GLRX3: variants seen among roughly 807,000 people sequenced by gnomAD.
GLRX3 encodes the protein glutaredoxin-3.
In GLRX3, 22 loss-of-function variants were observed where a neutral mutation model predicts 49.5. That is an observed-to-expected ratio of 0.44 (90% CI 0.32 to 0.63). The LOEUF is 0.63. GLRX3 is among the 30% of genes least tolerant of loss of function. The pLI is 0.05. For missense variants in GLRX3, 385 were observed against 396.3 expected (o/e 0.97, Z 0.24); for synonymous variants, 133 against 140.0 (o/e 0.95, Z 0.35).
intron 2 of GLRX3, among the ~76,000 whole-genome samples, chr10:130,150,251 AAAAAG>A: frequency 6.6e-6 from 1 of 151,630 alleles, no homozygotes. Flanking sequence ...AAAAAAAAAA[AAAAAG>A]AAAGAAAGAA....
At position 130,169,425 on chromosome 10, in the gene GLRX3, C is replaced by T. The variant is rs1250578645; in HGVS notation, c.714-8C>T. The T allele has an allele frequency of 6.3e-7, 1 of 1,598,570 alleles. No homozygotes were observed. The highest frequency in any genetic ancestry group is 1.1e-5 in the South Asian group (1 of 90,700). ...CTGAGCCGTTTTATATCAATTTTCT[C>T]TCTTTAGGCTCAAAGTGCTGACAAA... On this transcript the variant is annotated splice_polypyrimidine_tract_variant and splice_region_variant and intron_variant, in intron 6 of 10. Coordinates refer to ENST00000331244, the MANE Select transcript of GLRX3 (RefSeq NM_006541.5).
In GLRX3 at chr10:130,171,567, A is replaced by G; in HGVS notation, c.772-17A>G. ...TCATACAAAAATTGTAATCTTTGCA[A>G]ATTTTTTTTCATTTAGGAAGCAAAA... On this transcript the variant is annotated splice_polypyrimidine_tract_variant and intron_variant, in intron 7 of 10. Transcript: ENST00000331244. The G allele has an allele frequency of 6.9e-7, 1 of 1,447,398 alleles. No homozygotes were observed. Among genetic ancestry groups the G allele is most frequent in the Non-Finnish European group, 9.7e-7 (1 of 1,027,912 alleles). 89.7% of individuals were successfully genotyped at this position (1,447,398 alleles called of 1,614,324 possible).
intron 2 of GLRX3, among the ~76,000 whole-genome samples, chr10:130,148,802 C>A (rs1043184434): frequency 6.6e-6 from 1 of 152,002 alleles, no homozygotes; most frequent in Admixed American, 6.6e-5. Context: ...GTGGCTCACA[C>A]CTGTAATCCC....
Position 130,136,624 on chromosome 10 carries a change from C to G in GLRX3, c.92+112C>G, listed in dbSNP as rs1590052489. 5 of 1,198,852 alleles carry G rather than the reference C, an allele frequency of 4.2e-6. No homozygotes were observed. In the Admixed American group the frequency reaches 1.3e-4, roughly 30 times the overall value. The allele number at this position is 1,198,852 out of a possible 1,614,324, so 74.3% of individuals were successfully genotyped here. On this transcript the variant is annotated intron_variant, in intron 1 of 10. Transcript: ENST00000331244. ...GCCTGGCTTCTTGGTGCCCGGCTCC[C>G]TTCGGCCTCGGGGGACCGGGCCCGG...
chr10:130,137,493 A>C (rs987727358), intron 1 of GLRX3, among the ~76,000 whole-genome samples: 1 of 152,076 alleles, frequency 6.6e-6, no homozygotes, highest in Non-Finnish European at 1.5e-5. Flanking sequence ...ATCCAGTCCC[A>C]CCGCAGCCAC....
intron 1 of GLRX3, 91 bp downstream of exon 1, chr10:130,136,603 G>A (rs1862056260): frequency 8.2e-7 from 1 of 1,226,108 alleles, no homozygotes. Context: ...GGCCCAGCCT[G>A]GCTTCTTGGT....
At chr10:130,154,524 A>G (rs937585682) in intron 2 of GLRX3, among the ~76,000 whole-genome samples, 2 of 152,050 alleles carry the variant, frequency 1.3e-5, no homozygotes, top group Non-Finnish European at 2.9e-5. Flanking sequence ...TTTGAAATTT[A>G]TATTTGGCTG....
chr10:130,171,832 C>T (rs759372793), intron 8 of GLRX3, among the ~76,000 whole-genome samples, 196 bp downstream of exon 8: 1 of 151,962 alleles, frequency 6.6e-6, no homozygotes, highest in African/African-American at 2.4e-5. Context: ...CAGGCATGGT[C>T]ACATACATCT....
intron 1 of GLRX3, among the ~76,000 whole-genome samples, chr10:130,138,479 G>A (rs1002883589): frequency 1.3e-5 from 2 of 152,198 alleles, no homozygotes; most frequent in African/African-American, 4.8e-5. Flanking sequence ...ATGGGGAGGG[G>A]TGCGAGTTAC....
chr10:130,167,806 T>C (rs1862722430), intron 6 of GLRX3, among the ~76,000 whole-genome samples: 1 of 152,196 alleles, frequency 6.6e-6, no homozygotes, highest in Non-Finnish European at 1.5e-5. Context: ...CCAATCCACG[T>C]ATGTCAGGCT....
At chr10:130,147,549 C>T (rs1862292352) in intron 2 of GLRX3, among the ~76,000 whole-genome samples, 1 of 152,182 alleles carries the variant, frequency 6.6e-6, no homozygotes, top group Non-Finnish European at 1.5e-5. Flanking sequence ...AGGATGATGA[C>T]AGCGTAAGAT....
At chr10:130,156,521 C>CT (rs1224812981) in intron 2 of GLRX3, among the ~76,000 whole-genome samples, 1 of 152,046 alleles carries the variant, frequency 6.6e-6, no homozygotes, top group African/African-American at 2.4e-5. Context: ...AAGACGGTGC[C>CT]TGTTGTTGTA....
rs781234488 is a variant in GLRX3, at chr10:130,175,034, C to T, written c.902C>T (p.Thr301Ile). ...TTAAAAGCTTACTCAAATTGGCCAA[C>T]ATACCCTCAGCTGTATGTGAAAGGG... ...QGLKAYSNWP[T>I]YPQLYVKGEL... Residue 301 changes from threonine (T) to isoleucine (I), a missense_variant, in exon 10 of 11, where the codon ACA becomes ATA. Transcript: ENST00000331244. 1 of 1,610,088 alleles carries T rather than the reference C, an allele frequency of 6.2e-7. No homozygotes were observed. Among genetic ancestry groups the T allele is most frequent in the South Asian group, 1.1e-5 (1 of 90,990 alleles).
intron 1 of GLRX3, among the ~76,000 whole-genome samples, chr10:130,139,801 G>A (rs148762761): frequency 1.6e-4 from 24 of 152,222 alleles, no homozygotes; most frequent in Middle Eastern, 6.8e-3. Context: ...GGTGATGCAT[G>A]CCTGTAGTCC....
chr10:130,159,721 A>C, intron 2 of GLRX3: 313 of 804,908 alleles, frequency 3.9e-4, no homozygotes, highest in Non-Finnish European at 4.7e-4. Flanking sequence ...CTAGGTCACT[A>C]GTGCACCAAA....
At chr10:130,166,870 T>A in intron 5 of GLRX3, 49 bp from the exon 6 acceptor site, 1 of 1,197,860 alleles carries the variant, frequency 8.3e-7, no homozygotes. Context: ...CAAGGAGATT[T>A]ATGTTATAAT....
At chr10:130,169,537 A>G (rs776592412) in intron 7 of GLRX3, 47 bp downstream of exon 7, 2 of 1,148,570 alleles carry the variant, frequency 1.7e-6, no homozygotes. Context: ...TTTGATGTTA[A>G]CATCTGCAAC....
rs1209022060 is a variant in GLRX3, at chr10:130,136,422, T to TGGCGGCGGG, written c.9_17dup (p.Gly4_Ala6dup). ...TTGCTTCTGTCTGGCGGCGGCAGCA[T>TGGCGGCGGG]GGCGGCGGGGGCGGCTGAGGCAGCT... On this transcript the variant is annotated inframe_insertion, in exon 1 of 11. Coordinates refer to ENST00000331244, the MANE Select transcript of GLRX3 (RefSeq NM_006541.5). 11 of 1,253,922 alleles carry TGGCGGCGGG rather than the reference T, an allele frequency of 8.8e-6. No homozygotes were observed. Among genetic ancestry groups the TGGCGGCGGG allele is most frequent in the South Asian group, 3.8e-5 (1 of 26,198 alleles). 77.7% of individuals were successfully genotyped at this position (1,253,922 alleles called of 1,614,324 possible).
Position 130,136,499 on chromosome 10 carries a change from C to G in GLRX3, c.79C>G (p.Arg27Gly). The G allele has an allele frequency of 1.6e-6, 2 of 1,261,930 alleles. No individual in the cohort carries two copies. The highest frequency in any genetic ancestry group is 2.0e-6 in the Non-Finnish European group (2 of 996,378). 78.2% of individuals were successfully genotyped at this position (1,261,930 alleles called of 1,614,324 possible). ...GSAGQFEELLRLKAKSLLVVH... is the reference protein window; with the variant it reads ...GSAGQFEELLGLKAKSLLVVH... ...AGCCGGGCAGTTTGAGGAGCTGCTG[C>G]GCCTCAAAGCCAAGTAAGCGGGGCG... Residue 27 changes from arginine (R) to glycine (G), a missense_variant, in exon 1 of 11, where the codon CGC becomes GGC. Coordinates refer to ENST00000331244, the MANE Select transcript of GLRX3 (RefSeq NM_006541.5).
Sources: gnomAD v4.1 joint callset for allele counts (sites outside exome capture counted in the v4.1 genomes callset) on GRCh38, gnomAD v4.1.1 for gene constraint, MANE v1.5 for transcripts, NCBI Gene and HGNC (gene_info 2026-07-23, HGNC 2026-07-21) for gene names.